Variants in SFXN2 observed in about 807,000 individuals in gnomAD.
SFXN2 encodes the protein sideroflexin-2.
A neutral mutation model predicts 41.9 loss-of-function variants in SFXN2; 37 were observed. That is an observed-to-expected ratio of 0.88 (90% CI 0.68 to 1.16). The LOEUF (loss-of-function observed/expected upper bound fraction) is 1.16. Among genes scored for constraint, SFXN2 ranks in the 50% most tolerant of loss-of-function variants. The pLI is 0.00. For missense variants in SFXN2, 386 were observed against 425.2 expected (o/e 0.91, Z 0.81); for synonymous variants, 150 against 156.7 (o/e 0.96, Z 0.32).
intron 5 of SFXN2, 61 bp from the exon 6 acceptor site, chr10:102,729,662 C>G: frequency 6.6e-6 from 10 of 1,509,650 alleles, no homozygotes; most frequent in Non-Finnish European, 9.2e-6. Context: ...GTCGTTCAGC[C>G]CCCTCCCCTC....
rs776804727 is a variant in SFXN2 at position 102,731,707 on chromosome 10, T to C, written c.594-16T>C. 5.6e-6 allele frequency: 9 copies of C among 1,611,464 alleles called. No individual in the cohort carries two copies. The highest frequency in any genetic ancestry group is 7.6e-6 in the Non-Finnish European group (9 of 1,178,092). On this transcript the variant is annotated splice_polypyrimidine_tract_variant and intron_variant, in intron 6 of 11. Coordinates refer to ENST00000369893, the MANE Select transcript of SFXN2 (RefSeq NM_178858.6). Reference sequence around the variant, plus strand: ...TCACCCCTTTCCCAAGTCCATTAACTCCTGTCTGTGTTTAGGGAGCTCATA... The same window carrying C: ...TCACCCCTTTCCCAAGTCCATTAACCCCTGTCTGTGTTTAGGGAGCTCATA...
chr10:102,731,573 T>C (rs1295724733), intron 6 of SFXN2, 150 bp from the exon 7 acceptor site: 2 of 676,018 alleles, frequency 3.0e-6, no homozygotes, highest in Non-Finnish European at 2.7e-6. Flanking sequence ...ATACTGCTTA[T>C]TGGAGTGCAG....
chr10:102,724,533 C>T (rs371090220), intron 1 of SFXN2, among the ~76,000 whole-genome samples: 2 of 152,086 alleles, frequency 1.3e-5, no homozygotes, highest in East Asian at 1.9e-4. Context: ...GAAACCCCAT[C>T]TCTACTAAAA....
chr10:102,732,251 G>A (rs1261961539), intron 8 of SFXN2, 33 bp downstream of exon 8: 1 of 1,599,262 alleles, frequency 6.3e-7, no homozygotes, highest in Non-Finnish European at 8.6e-7. Context: ...TCCTGGGGAA[G>A]CCTGTGACAC....
chr10:102,732,199 C>T lies in SFXN2; in HGVS notation c.702C>T (p.Thr234=), dbSNP rs374296451. The change falls in exon 8 of 12, where the codon ACC becomes ACT. Residue 234 remains threonine, a synonymous_variant. Coordinates refer to ENST00000369893, the MANE Select transcript of SFXN2 (RefSeq NM_178858.6). ...GITQVVISRI[T]MSAPGMILLP... ...CCCAAGTAGTTATTTCTCGGATCACCATGTCAGCTCCTGGGATGAGTAAGA... is the reference window on the plus strand; with the variant it reads ...CCCAAGTAGTTATTTCTCGGATCACTATGTCAGCTCCTGGGATGAGTAAGA... 1.7e-5 allele frequency: 27 copies of T among 1,613,924 alleles called. No individual in the cohort carries two copies. The highest frequency in any genetic ancestry group is 2.2e-5 in the South Asian group (2 of 91,072).
intron 1 of SFXN2, among the ~76,000 whole-genome samples, chr10:102,724,500 G>A (rs554315592): frequency 1.8e-4 from 27 of 152,176 alleles, no homozygotes; most frequent in Non-Finnish European, 3.5e-4. Context: ...TCAGGAGATC[G>A]AGACCATCCT....
At position 102,743,417 on chromosome 10, in the gene SFXN2, T is replaced by C. The variant is rs2297450; in HGVS notation, c.*5655T>C. On this transcript the variant is annotated 3_prime_UTR_variant, in exon 12 of 12. Transcript: ENST00000369893. ...CGGACCTAAGCTGCTATTTGGGCAG[T>C]TGAGACCAAGAGAGGCATCCTGGTA... 0.2 allele frequency: 29,738 copies of C among 152,206 alleles called. 3,289 individuals carry two copies. Among genetic ancestry groups the C allele is most frequent in the East Asian group, 0.49 (2,565 of 5,182 alleles). The allele number at this position is 152,206 out of a possible 1,614,324, so 9.4% of individuals were successfully genotyped here. A position where few individuals can be genotyped will look rare whatever the true frequency, so the allele number is the denominator to read the frequency against.
chr10:102,731,521 C>T (rs547589829), intron 6 of SFXN2, among the ~76,000 whole-genome samples: 1 of 152,280 alleles, frequency 6.6e-6, no homozygotes, highest in East Asian at 1.9e-4. Context: ...AGTCCGGGCC[C>T]AGGGCCACCG....
chr10:102,716,080 A>G (rs2064407097), intron 1 of SFXN2, among the ~76,000 whole-genome samples: 1 of 152,144 alleles, frequency 6.6e-6, no homozygotes, highest in Non-Finnish European at 1.5e-5. Context: ...TAATCTACTC[A>G]TCTCCAGACT....
chr10:102,724,746 C>G (rs751836534), intron 1 of SFXN2, among the ~76,000 whole-genome samples: 4 of 151,860 alleles, frequency 2.6e-5, no homozygotes, highest in African/African-American at 4.8e-5. Context: ...TTTGTCTGTT[C>G]TTGTCTGTTG....
chr10:102,717,868 C>T, intron 1 of SFXN2: 2 of 878,098 alleles, frequency 2.3e-6, no homozygotes, highest in Non-Finnish European at 2.7e-6. Context: ...GCCTTACAGT[C>T]TGTCAGGGGA....
chr10:102,737,738 T>C lies in SFXN2; in HGVS notation c.945T>C (p.Tyr315=), dbSNP rs2064801064. ...CCAAGTATGGAGAACTTGAGCCTTATGTCTACTTCAATAAGGGTCTCTAAA... is the reference window on the plus strand; with the variant it reads ...CCAAGTATGGAGAACTTGAGCCTTACGTCTACTTCAATAAGGGTCTCTAAA... ...IKAKYGELEP[Y]VYFNKGL The change falls in exon 12 of 12, where the codon TAT becomes TAC. Residue 315 remains tyrosine, a synonymous_variant. Coordinates refer to ENST00000369893, the MANE Select transcript of SFXN2 (RefSeq NM_178858.6). The C allele has an allele frequency of 6.2e-7, 1 of 1,612,618 alleles. No individual in the cohort carries two copies. The highest frequency in any genetic ancestry group is 1.3e-5 in the African/African-American group (1 of 74,920).
intron 5 of SFXN2, 69 bp downstream of exon 5, chr10:102,729,463 C>T (rs373773955): frequency 9.1e-6 from 14 of 1,542,954 alleles, no homozygotes; most frequent in Admixed American, 1.8e-5. Flanking sequence ...AAACGTCCTT[C>T]CCCCAGGGAC....
In SFXN2 at chr10:102,738,528, C is replaced by G. The variant is rs1444194521; in HGVS notation, c.*766C>G. ...GCCAGACTGGTCTCGAACTCCTGAC[C>G]TCAGGTGATCCGCCCGCCTCAGCCT... On this transcript the variant is annotated 3_prime_UTR_variant, in exon 12 of 12. Transcript: ENST00000369893. 1 of 152,126 alleles carries G rather than the reference C, an allele frequency of 6.6e-6. No individual in the cohort carries two copies. Among genetic ancestry groups the G allele is most frequent in the Non-Finnish European group, 1.5e-5 (1 of 68,062 alleles). 9.4% of individuals were successfully genotyped at this position (152,126 alleles called of 1,614,324 possible).
intron 4 of SFXN2, among the ~76,000 whole-genome samples, chr10:102,728,866 G>A (rs1242717999): frequency 6.6e-6 from 1 of 152,132 alleles, no homozygotes; most frequent in Non-Finnish European, 1.5e-5. Flanking sequence ...AGCGCTTTGG[G>A]AGGCTGAGGC....
At chr10:102,736,024 G>A in intron 11 of SFXN2, 115 bp downstream of exon 11, 1 of 1,004,902 alleles carries the variant, frequency 1.0e-6, no homozygotes, top group Non-Finnish European at 1.6e-6. Context: ...GCACCTGTCT[G>A]AGGACAAGTG....
intron 3 of SFXN2, 123 bp from the exon 4 acceptor site, chr10:102,728,308 A>G (rs1257222682): frequency 6.5e-6 from 5 of 769,350 alleles, no homozygotes; most frequent in Non-Finnish European, 1.1e-5. Flanking sequence ...CAAAAAAATA[A>G]AAATAAAAAA....
chr10:102,735,159 C>T (rs1190197479), intron 10 of SFXN2, among the ~76,000 whole-genome samples: 5 of 150,952 alleles, frequency 3.3e-5, no homozygotes, highest in Admixed American at 1.3e-4. Context: ...CCTCTCCCTC[C>T]TCATCCCTCC....
chr10:102,721,905 A>C (rs1938267583), intron 1 of SFXN2, among the ~76,000 whole-genome samples: 1 of 152,028 alleles, frequency 6.6e-6, no homozygotes, highest in Non-Finnish European at 1.5e-5. Flanking sequence ...TCTTATACCT[A>C]TTGCTTAGCA....
Sources: gnomAD v4.1 joint callset for allele counts (sites outside exome capture counted in the v4.1 genomes callset) on GRCh38, gnomAD v4.1.1 for gene constraint, MANE v1.5 for transcripts, NCBI Gene and HGNC (gene_info 2026-07-23, HGNC 2026-07-21) for gene names.